Variants in LRRC74A observed in about 807,000 individuals in gnomAD.
LRRC74A encodes leucine rich repeat containing 74A, also known as leucine-rich repeat-containing protein 74A.
LRRC74A carries 44 observed loss-of-function variants against 57.9 expected under a neutral mutation model. The ratio of observed to expected loss-of-function variants is 0.76; its 90% CI spans 0.60 to 0.98. LRRC74A has a LOEUF of 0.98. Ranked by LOEUF, LRRC74A falls within the 50% of genes least tolerant of loss-of-function variation. LRRC74A has a pLI of 0.00. For missense variants in LRRC74A, 572 were observed against 574.0 expected, an observed-to-expected ratio of 1.00 and a Z score of 0.04; for synonymous variants, 211 against 219.4, an observed-to-expected ratio of 0.96 and a Z score of 0.34.
At chr14:76,842,330 C>T (rs1426834258) in intron 5 of LRRC74A, among the ~76,000 whole-genome samples, 1 of 152,096 alleles carries the variant, frequency 6.6e-6, no homozygotes, top group African/African-American at 2.4e-5. Flanking sequence ...ATTTATATCT[C>T]CTAATTATTT....
chr14:76,853,933 T>C (rs1255524704), intron 9 of LRRC74A, among the ~76,000 whole-genome samples: 1 of 152,120 alleles, frequency 6.6e-6, no homozygotes. Flanking sequence ...AATGTGCTTT[T>C]TGAACACAAA....
chr14:76,869,981 T>C, intron 13 of LRRC74A, 144 bp from the exon 14 acceptor site: 2 of 750,354 alleles, frequency 2.7e-6, no homozygotes, highest in South Asian at 1.7e-5. Context: ...GTGGGGGAGA[T>C]ATAATGGTTA....
intron 1 of LRRC74A, among the ~76,000 whole-genome samples, chr14:76,827,923 G>A: frequency 7.1e-6 from 1 of 140,182 alleles, no homozygotes; most frequent in South Asian, 2.6e-4. Context: ...CTATGTATCG[G>A]GACCCACCCT....
intron 7 of LRRC74A, among the ~76,000 whole-genome samples, chr14:76,846,435 A>T (rs1897119010): frequency 6.6e-6 from 1 of 152,218 alleles, no homozygotes; most frequent in Non-Finnish European, 1.5e-5. Context: ...GCTCTCACAC[A>T]TACACAGAGA....
At chr14:76,834,954 T>C (rs1896217833) in intron 3 of LRRC74A, among the ~76,000 whole-genome samples, 1 of 152,170 alleles carries the variant, frequency 6.6e-6, no homozygotes, top group Non-Finnish European at 1.5e-5. Flanking sequence ...GCTTGGACTA[T>C]CACATTTTCC....
At position 76,857,503 on chromosome 14, in the gene LRRC74A, G is replaced by A. The variant is rs149218549; in HGVS notation, c.1053+28G>A. The A allele has an allele frequency of 1.2e-3, 1,738 of 1,504,232 alleles. 22 individuals carry two copies. The African/African-American group carries it at 0.021, about 18-fold the overall frequency. The allele number at this position is 1,504,232 out of a possible 1,614,324, so 93.2% of individuals were successfully genotyped here. A position where few individuals can be genotyped will look rare whatever the true frequency, so the allele number is the denominator to read the frequency against. ...AAGTGATCAAATGGTAGTTGCTTGC[G>A]TCTGGGCACAAGCCAGTGACCCTGT... is the stretch of plus-strand genomic sequence containing the variant. On this transcript the variant is annotated intron_variant, in intron 10 of 13. Coordinates refer to ENST00000689127, the MANE Select transcript of LRRC74A (RefSeq NM_001385106.1).
chr14:76,866,654 C>G (rs151100838), intron 12 of LRRC74A, among the ~76,000 whole-genome samples: 2 of 152,014 alleles, frequency 1.3e-5, no homozygotes, highest in African/African-American at 4.8e-5. Flanking sequence ...GGTGAAGAGG[C>G]TGGCCAGGAC....
Position 76,867,406 on chromosome 14 carries a change from G to A in LRRC74A, c.1359G>A (p.Lys453=). The A allele has an allele frequency of 6.2e-7, 1 of 1,604,042 alleles. No homozygotes were observed. Among genetic ancestry groups the A allele is most frequent in the African/African-American group, 1.3e-5 (1 of 74,684 alleles). ...NQYQVREVIK[K]LDEKTGMVNF... ...ACCAGGTCAGGGAGGTGATAAAGAA[G>A]CTCGATGAGAAGACAGGCATGGTGA... The change falls in exon 13 of 14, where the codon AAG becomes AAA. Residue 453 remains lysine, a synonymous_variant. Coordinates refer to ENST00000689127, the MANE Select transcript of LRRC74A (RefSeq NM_001385106.1).
chr14:76,868,162 G>GC (rs1347472287), intron 13 of LRRC74A, among the ~76,000 whole-genome samples: 3 of 152,222 alleles, frequency 2.0e-5, no homozygotes. Flanking sequence ...CTAGAGAAGT[G>GC]CAGCAAAGAA....
At chr14:76,857,332 C>A in intron 9 of LRRC74A, 48 bp from the exon 10 acceptor site, 1 of 1,239,478 alleles carries the variant, frequency 8.1e-7, no homozygotes, top group Non-Finnish European at 1.2e-6. Context: ...TCTGGGCCAG[C>A]CTCTCCTCCC....
At position 76,866,041 on chromosome 14, in the gene LRRC74A, T is replaced by C. The variant is rs985270432; in HGVS notation, c.1274T>C (p.Met425Thr). The C allele has an allele frequency of 6.3e-6, 10 of 1,590,488 alleles. No individual in the cohort carries two copies. The highest frequency in any genetic ancestry group is 6.9e-6 in the Non-Finnish European group (8 of 1,161,962). Residue 425 changes from methionine (M) to threonine (T), a missense_variant, in exon 12 of 14, where the codon ATG becomes ACG. Transcript: ENST00000689127. Reference sequence around the variant, plus strand: ...TTGAACCCCACTGGGACAATGAAGATGTCTGTGGATGAGTTCCAGAAAGTG... The same window carrying C: ...TTGAACCCCACTGGGACAATGAAGACGTCTGTGGATGAGTTCCAGAAAGTG... ...KSLNPTGTMK[M>T]SVDEFQKVMI...
chr14:76,866,961 T>TA (rs1898873058), intron 12 of LRRC74A, among the ~76,000 whole-genome samples: 4 of 2,400 alleles, frequency 1.7e-3, no homozygotes, highest in Admixed American at 5.1e-3. Context: ...TGTGTGTGTG[T>TA]GTGTGTGTGT....
intron 7 of LRRC74A, among the ~76,000 whole-genome samples, chr14:76,850,017 G>A (rs920799963): frequency 5.3e-5 from 8 of 151,996 alleles, no homozygotes; most frequent in Admixed American, 3.3e-4. Context: ...GACCATCCTG[G>A]CTAACACGGT....
In LRRC74A at chr14:76,870,155, A is replaced by G; in HGVS notation, c.*6A>G. 1 of 1,610,752 alleles carries G rather than the reference A, an allele frequency of 6.2e-7. No homozygotes were observed. The highest frequency in any genetic ancestry group is 8.5e-7 in the Non-Finnish European group (1 of 1,178,520). ...TGAACACGATGAAGCCATAGCAACA[A>G]GTCTGGTCTAGAAAGAAGTCTCGGC... is the stretch of plus-strand genomic sequence containing the variant. On this transcript the variant is annotated 3_prime_UTR_variant, in exon 14 of 14. Transcript: ENST00000689127.
chr14:76,853,550 T>C, intron 9 of LRRC74A, 140 bp downstream of exon 9: 1 of 815,780 alleles, frequency 1.2e-6, no homozygotes, highest in Non-Finnish European at 1.9e-6. Flanking sequence ...CATGTACTTT[T>C]TACCATCTCT....
chr14:76,860,649 G>C, intron 10 of LRRC74A, 44 bp from the exon 11 acceptor site: 4 of 1,542,830 alleles, frequency 2.6e-6, no homozygotes, highest in Non-Finnish European at 3.5e-6. Context: ...CAGGCACGAT[G>C]GCAGTGCCCT....
chr14:76,867,093 TG>T (rs1278471182), intron 12 of LRRC74A, among the ~76,000 whole-genome samples: 1 of 3,024 alleles, frequency 3.3e-4, no homozygotes, highest in East Asian at 9.8e-3. Context: ...GGTGTGTGTG[TG>T]TGGGGGGTGT....
At chr14:76,861,523 G>A (rs1421482967) in intron 11 of LRRC74A, among the ~76,000 whole-genome samples, 1 of 152,082 alleles carries the variant, frequency 6.6e-6, no homozygotes, top group African/African-American at 2.4e-5. Context: ...TGGTCAGGAT[G>A]GCTATTTGGC....
intron 10 of LRRC74A, among the ~76,000 whole-genome samples, chr14:76,859,101 T>C (rs1479006510): frequency 1.3e-5 from 2 of 152,112 alleles, no homozygotes; most frequent in African/African-American, 4.8e-5. Context: ...CAGTTCTCAA[T>C]CTGCAGGCCA....
Sources: allele counts gnomAD v4.1 joint callset (sites outside exome capture counted in the v4.1 genomes callset), GRCh38; gene constraint gnomAD v4.1.1; transcripts MANE v1.5; gene names NCBI Gene and HGNC (gene_info 2026-07-23, HGNC 2026-07-21).